The following MARCHF3 variants were observed in gnomAD, a reference collection of about 807,000 sequenced individuals.
MARCHF3 encodes the protein E3 ubiquitin-protein ligase MARCHF3.
Under a neutral mutation model 24.2 loss-of-function variants are expected in MARCHF3, and 13 were observed. The ratio of observed to expected loss-of-function variants is 0.54; its 90% confidence interval spans 0.35 to 0.85. The LOEUF (loss-of-function observed/expected upper bound fraction) is 0.85, where lower values mean the gene tolerates loss of function less well. Ranked by LOEUF, MARCHF3 falls within the 40% of genes least tolerant of loss-of-function variation. MARCHF3 has a pLI of 0.01. For missense variants in MARCHF3, 276 were observed against 325.0 expected (o/e 0.85, Z 1.16); for synonymous variants, 144 against 137.3 (o/e 1.05, Z -0.34).
At chr5:126,949,660 T>G (rs1051221638) in intron 1 of MARCHF3, among the ~76,000 whole-genome samples, 2 of 152,186 alleles carry the variant, frequency 1.3e-5, no homozygotes, top group Non-Finnish European at 2.9e-5. Context: ...GGTTTCCCCT[T>G]ACTTCCTTCC....
In MARCHF3 at chr5:126,920,616, C is replaced by T. The variant is rs533872544; in HGVS notation, c.-56-2389G>A. On this transcript the variant is annotated intron_variant, in intron 1 of 4. Coordinates refer to ENST00000308660, the MANE Select transcript of MARCHF3 (RefSeq NM_178450.5). ...CCCTCTACTTGATGGAACTGGAAGA[C>T]GGTAAGGAGGGGGTGCGCAGAGTAA... 5.9e-5 allele frequency among the ~76,000 whole-genome samples: 9 copies of T among 152,140 alleles called. No individual in the cohort carries two copies. In the South Asian group the frequency reaches 1.0e-3, roughly 18 times the overall value.
intron 3 of MARCHF3, among the ~76,000 whole-genome samples, chr5:126,912,609 G>A (rs776345247): frequency 6.6e-6 from 1 of 152,204 alleles, no homozygotes; most frequent in Non-Finnish European, 1.5e-5. Context: ...ATCTTGAGGT[G>A]AAAGTATTGA....
intron 1 of MARCHF3, among the ~76,000 whole-genome samples, chr5:126,957,461 T>C (rs997262288): frequency 2.0e-5 from 3 of 152,314 alleles, no homozygotes; most frequent in Non-Finnish European, 4.4e-5. Context: ...GATTTTTCTA[T>C]AGCTTTATGA....
chr5:126,966,610 G>C (rs1188248216), intron 1 of MARCHF3, among the ~76,000 whole-genome samples: 3 of 151,966 alleles, frequency 2.0e-5, no homozygotes, highest in Non-Finnish European at 4.4e-5. Flanking sequence ...AGATTTCCTA[G>C]ATATTTGAGG....
At chr5:126,879,123 C>T (rs901691507) in intron 3 of MARCHF3, among the ~76,000 whole-genome samples, 17 of 152,270 alleles carry the variant, frequency 1.1e-4, no homozygotes, top group African/African-American at 4.1e-4. Context: ...GCAAATACTT[C>T]GCCCATGTTG....
In MARCHF3 at chr5:126,919,191, A is replaced by G. The variant is rs570624868; in HGVS notation, c.-56-964T>C. ...TGGGTCATGACCTCAAGTTCAAAGC[A>G]CTCAGACCCACTGGAGTGAGGAACT... On this transcript the variant is annotated intron_variant, in intron 1 of 4. Transcript: ENST00000308660. Among the ~76,000 whole-genome samples, 104 of 152,304 alleles carry G rather than the reference A, an allele frequency of 6.8e-4. 1 individual carries two copies. Among genetic ancestry groups the G allele is most frequent in the African/African-American group, 2.4e-3 (101 of 41,560 alleles).
chr5:126,999,879 C>CA (rs1046200210), intron 1 of MARCHF3, among the ~76,000 whole-genome samples: 39 of 152,114 alleles, frequency 2.6e-4, no homozygotes, highest in Admixed American at 2.2e-3. Context: ...GGAAACAAAG[C>CA]AAAATCATAC....
At chr5:126,919,870 GT>G (rs1435932835) in intron 1 of MARCHF3, among the ~76,000 whole-genome samples, 2 of 152,220 alleles carry the variant, frequency 1.3e-5, no homozygotes, top group Non-Finnish European at 2.9e-5. Context: ...TGAACCCACA[GT>G]GGGGAGACGG....
intron 1 of MARCHF3, among the ~76,000 whole-genome samples, chr5:126,969,932 G>C (rs77662337): frequency 2.0e-5 from 3 of 152,154 alleles, no homozygotes; most frequent in South Asian, 4.1e-4. Flanking sequence ...AAGCAAACAT[G>C]AAGCTAGGTG....
At chr5:126,976,371 C>A (rs970182279) in intron 1 of MARCHF3, among the ~76,000 whole-genome samples, 2 of 152,152 alleles carry the variant, frequency 1.3e-5, no homozygotes, top group South Asian at 2.1e-4. Flanking sequence ...TTCTTGTTAG[C>A]TTACTCTGGT....
At chr5:126,946,093 G>A (rs1580669357) in intron 1 of MARCHF3, among the ~76,000 whole-genome samples, 1 of 152,010 alleles carries the variant, frequency 6.6e-6, no homozygotes, top group Admixed American at 6.6e-5. Context: ...AACAGGGGCC[G>A]AGCGTGGTAG....
chr5:127,013,808 A>G (rs1752546399), intron 1 of MARCHF3, among the ~76,000 whole-genome samples: 1 of 152,156 alleles, frequency 6.6e-6, no homozygotes, highest in African/African-American at 2.4e-5. Flanking sequence ...GGGAAAAAAC[A>G]GTTTCTTCAA....
At chr5:126,914,848 ACAG>A in intron 3 of MARCHF3, 79 bp downstream of exon 3, 1 of 1,395,704 alleles carries the variant, frequency 7.2e-7, no homozygotes, top group Non-Finnish European at 1.0e-6. Context: ...GTAAAGCTGT[ACAG>A]GGCTTGTGAT....
chr5:127,003,770 G>A (rs1035297680), intron 1 of MARCHF3, among the ~76,000 whole-genome samples: 7 of 152,184 alleles, frequency 4.6e-5, no homozygotes, highest in Admixed American at 3.3e-4. Flanking sequence ...AAAGTGGATA[G>A]TGAATTATGT....
chr5:126,871,482 C>G (rs1752963211), intron 4 of MARCHF3, among the ~76,000 whole-genome samples: 1 of 152,212 alleles, frequency 6.6e-6, no homozygotes. Context: ...CAAGCTTACC[C>G]ACATGGCACT....
intron 1 of MARCHF3, among the ~76,000 whole-genome samples, chr5:126,983,996 A>G (rs1349857881): frequency 1.3e-5 from 2 of 152,146 alleles, no homozygotes; most frequent in Non-Finnish European, 2.9e-5. Context: ...TTGTAGCAAA[A>G]GATTAAAACC....
chr5:126,969,448 A>C (rs1750925504), intron 1 of MARCHF3, among the ~76,000 whole-genome samples: 1 of 152,210 alleles, frequency 6.6e-6, no homozygotes, highest in Non-Finnish European at 1.5e-5. Flanking sequence ...CATGTTTAGG[A>C]GGAGCCCCTT....
chr5:127,021,394 T>A (rs1236577555), intron 1 of MARCHF3, among the ~76,000 whole-genome samples: 1 of 152,154 alleles, frequency 6.6e-6, no homozygotes, highest in Non-Finnish European at 1.5e-5. Context: ...ACAAGAAATT[T>A]TTAGAATTAT....
chr5:126,939,570 T>A (rs1408147451), intron 1 of MARCHF3, among the ~76,000 whole-genome samples: 2 of 152,220 alleles, frequency 1.3e-5, no homozygotes, highest in Non-Finnish European at 2.9e-5. Context: ...ACTTTGTAAA[T>A]GTTTAGTTGT....
Sources: allele counts gnomAD v4.1 joint callset (sites outside exome capture counted in the v4.1 genomes callset), GRCh38; gene constraint gnomAD v4.1.1; transcripts MANE v1.5; gene names NCBI Gene and HGNC (gene_info 2026-07-23, HGNC 2026-07-21).